Variants in KCNAB1 observed in about 807,000 individuals in gnomAD.
The protein encoded by KCNAB1 is voltage-gated potassium channel subunit beta-1.
A neutral mutation model predicts 64.6 loss-of-function variants in KCNAB1; 35 were observed. The observed-to-expected ratio is 0.54, with a 90% CI of 0.41 to 0.72. The LOEUF is 0.72. Ranked by LOEUF, KCNAB1 falls within the 30% of genes least tolerant of loss-of-function variation. The pLI is 0.00. For synonymous variants in KCNAB1, 177 were observed against 183.8 expected (o/e 0.96, Z 0.30); for missense variants, 401 against 512.9 (o/e 0.78, Z 2.11).
At chr3:156,388,055 T>C (rs115411114) in intron 1 of KCNAB1, among the ~76,000 whole-genome samples, 2,025 of 152,344 alleles carry the variant, frequency 0.013, 17 homozygotes, top group South Asian at 0.032. Flanking sequence ...TGTCTTATGG[T>C]CAAGGTGTCA....
At chr3:156,257,368 T>A (rs1027054705) in intron 1 of KCNAB1, among the ~76,000 whole-genome samples, 2 of 152,192 alleles carry the variant, frequency 1.3e-5, no homozygotes, top group African/African-American at 2.4e-5. Flanking sequence ...AGCATCTCAA[T>A]GTTAATAAAA....
intron 1 of KCNAB1, among the ~76,000 whole-genome samples, chr3:156,158,180 AAATAAATAAATAAATAAAT>A: frequency 1.6e-5 from 1 of 61,208 alleles, no homozygotes; most frequent in East Asian, 3.9e-4. Context: ...AAAAAATAAA[AAATAAATAAATAAATAAAT>A]AAATAAATAA....
chr3:156,392,462 T>G (rs566268960), intron 1 of KCNAB1, among the ~76,000 whole-genome samples: 1 of 152,358 alleles, frequency 6.6e-6, no homozygotes, highest in African/African-American at 2.4e-5. Flanking sequence ...ACTCACTTAC[T>G]AATTTCTGAT....
At chr3:156,510,666 A>C (rs1016481424) in intron 8 of KCNAB1, among the ~76,000 whole-genome samples, 2 of 152,148 alleles carry the variant, frequency 1.3e-5, no homozygotes, top group Admixed American at 1.3e-4. Context: ...GCTTGATCCC[A>C]TCACATCACT....
intron 1 of KCNAB1, among the ~76,000 whole-genome samples, chr3:156,181,433 CTG>C (rs1712810311): frequency 6.6e-6 from 1 of 152,192 alleles, no homozygotes; most frequent in Non-Finnish European, 1.5e-5. Flanking sequence ...CTGGTGGGCA[CTG>C]GAGTGATTTG....
chr3:156,519,490 A>T (rs547640698), intron 11 of KCNAB1, among the ~76,000 whole-genome samples: 36 of 152,296 alleles, frequency 2.4e-4, no homozygotes, highest in African/African-American at 8.7e-4. Context: ...CTTCCTCTCT[A>T]TGAAGACTGT....
At chr3:156,130,631 C>T (rs1467654172) in intron 1 of KCNAB1, among the ~76,000 whole-genome samples, 1 of 152,240 alleles carries the variant, frequency 6.6e-6, no homozygotes, top group Non-Finnish European at 1.5e-5. Context: ...TGCAGATGCA[C>T]ATCTCAACTC....
intron 1 of KCNAB1, among the ~76,000 whole-genome samples, chr3:156,394,844 A>T (rs1713308191): frequency 6.6e-6 from 1 of 152,188 alleles, no homozygotes; most frequent in African/African-American, 2.4e-5. Flanking sequence ...TTCAATGCAA[A>T]CTTGGAAATG....
chr3:156,442,963 C>T (rs200102390), intron 2 of KCNAB1, among the ~76,000 whole-genome samples: 3 of 151,968 alleles, frequency 2.0e-5, no homozygotes, highest in East Asian at 1.9e-4. Flanking sequence ...GGGAGGTGGC[C>T]GAGGAGAGTG....
intron 1 of KCNAB1, among the ~76,000 whole-genome samples, chr3:156,255,530 C>T (rs1278501295): frequency 1.3e-5 from 2 of 152,154 alleles, no homozygotes; most frequent in African/African-American, 2.4e-5. Flanking sequence ...CTCTCCTGCT[C>T]CATCTTCCTC....
At chr3:156,143,116 G>A (rs1477508064) in intron 1 of KCNAB1, 1 of 1,497,714 alleles carries the variant, frequency 6.7e-7, no homozygotes, top group Non-Finnish European at 8.9e-7. Flanking sequence ...TTCACAGCAA[G>A]ATACAGTGAG....
At chr3:156,356,887 G>T (rs999303340) in intron 1 of KCNAB1, among the ~76,000 whole-genome samples, 1 of 152,192 alleles carries the variant, frequency 6.6e-6, no homozygotes, top group Non-Finnish European at 1.5e-5. Context: ...GGACTGTGGT[G>T]TCAGAAGTAA....
intron 1 of KCNAB1, among the ~76,000 whole-genome samples, chr3:156,300,278 T>G (rs772228293): frequency 3.9e-5 from 6 of 152,352 alleles, no homozygotes; most frequent in South Asian, 2.1e-4. Context: ...CATCGGAAAC[T>G]TCTTGTCCTG....
rs569633311 is a variant in KCNAB1 at position 156,326,859 on chromosome 3, C to T, written c.276-94757C>T. 3.1e-4 allele frequency among the ~76,000 whole-genome samples: 47 copies of T among 152,222 alleles called. 1 individual carries two copies. The South Asian group carries it at 3.3e-3, about 11-fold the overall frequency. ...TCACCCCATTTATTCTTCTTTATAGCGTTGACCACTACTTGGTATAACTTT... is the reference window on the plus strand; with the variant it reads ...TCACCCCATTTATTCTTCTTTATAGTGTTGACCACTACTTGGTATAACTTT... On this transcript the variant is annotated intron_variant, in intron 1 of 13. Transcript: ENST00000490337.
rs1318444935 is a variant in KCNAB1 at position 156,395,543 on chromosome 3, T to TAAAAAGAAAA, written c.276-26073_276-26072insAAAAAGAAAA. Among the ~76,000 whole-genome samples the TAAAAAGAAAA allele has an allele frequency of 9.5e-4, 8 of 8,448 alleles. 1 individual carries two copies. In the East Asian group the frequency reaches 0.016, roughly 17 times the overall value. The allele number at this position is 8,448 out of a possible 152,430, so 5.5% of individuals were successfully genotyped here. A position where few individuals can be genotyped will look rare whatever the true frequency, so the allele number is the denominator to read the frequency against. The stretch of plus-strand genomic sequence containing the variant: ...CTGGGCGACAGAGCGAGACTCCGTC[T>TAAAAAGAAAA]CAAAAAAAAAAAAAAAAAAAAAAAA... On this transcript the variant is annotated intron_variant, in intron 1 of 13. Transcript: ENST00000490337.
Position 156,237,087 on chromosome 3 carries a change from A to G in KCNAB1, c.275+116201A>G, listed in dbSNP as rs549116952. Among the ~76,000 whole-genome samples, 25 of 152,318 alleles carry G rather than the reference A, an allele frequency of 1.6e-4. No homozygotes were observed. The South Asian group carries it at 5.2e-3, about 32-fold the overall frequency. On this transcript the variant is annotated intron_variant, in intron 1 of 13. Coordinates refer to ENST00000490337, the MANE Select transcript of KCNAB1 (RefSeq NM_172160.3). ...GTAGACAACTGTTTGTCCTCAGTAC[A>G]CACAATGTTTGAACAGGAAGGTTAG...
chr3:156,298,136 T>G (rs1359440796), intron 1 of KCNAB1, among the ~76,000 whole-genome samples: 1 of 152,202 alleles, frequency 6.6e-6, no homozygotes, highest in East Asian at 1.9e-4. Context: ...ATTCCACCTC[T>G]GCAAGGCAGC....
At chr3:156,175,479 G>A (rs1712294788) in intron 1 of KCNAB1, among the ~76,000 whole-genome samples, 1 of 152,184 alleles carries the variant, frequency 6.6e-6, no homozygotes, top group African/African-American at 2.4e-5. Context: ...AATTAGCCGA[G>A]TGTGCTGGCA....
intron 1 of KCNAB1, among the ~76,000 whole-genome samples, chr3:156,312,731 A>AAAAAAAAAAAAAAAT (rs1722007557): frequency 1.4e-5 from 2 of 144,526 alleles, no homozygotes; most frequent in Non-Finnish European, 3.0e-5. Context: ...AAAAAAAAAA[A>AAAAAAAAAAAAAAAT]CTCATAATAA....
Sources: gnomAD v4.1 joint callset for allele counts (sites outside exome capture counted in the v4.1 genomes callset) on GRCh38, gnomAD v4.1.1 for gene constraint, MANE v1.5 for transcripts, NCBI Gene and HGNC (gene_info 2026-07-23, HGNC 2026-07-21) for gene names.